SEC61B: variants seen among roughly 807,000 people sequenced by gnomAD.
SEC61B encodes the protein SEC61 translocon subunit beta, also known as protein transport protein Sec61 subunit beta.
SEC61B carries 7 observed loss-of-function variants against 12.6 expected under a neutral mutation model. The observed-to-expected ratio is 0.55, with a 90% CI of 0.32 to 1.04. The LOEUF (loss-of-function observed/expected upper bound fraction) is 1.04. SEC61B is among the 50% of genes least tolerant of loss of function. The pLI is 0.05. For synonymous variants in SEC61B, 54 were observed against 50.1 expected (o/e 1.08, Z -0.33); for missense variants, 107 against 130.1 (o/e 0.82, Z 0.86).
intron 3 of SEC61B, among the ~76,000 whole-genome samples, chr9:99,228,548 G>C (rs896238293): frequency 2.0e-5 from 3 of 152,192 alleles, no homozygotes; most frequent in Admixed American, 6.5e-5. Context: ...GTGCTCATTA[G>C]GTGATGGGAA....
intron 2 of SEC61B, among the ~76,000 whole-genome samples, chr9:99,225,826 G>A (rs1828888092): frequency 6.6e-6 from 1 of 152,176 alleles, no homozygotes; most frequent in Admixed American, 6.5e-5. Flanking sequence ...AGGAAACTTT[G>A]AAGTCAGGAA....
At chr9:99,227,265 C>CAAAAAAAAAAAAAAAA (rs59719935) in intron 2 of SEC61B, among the ~76,000 whole-genome samples, 1 of 10,738 alleles carries the variant, frequency 9.3e-5, no homozygotes, top group African/African-American at 3.3e-4. Flanking sequence ...AACTCCATCT[C>CAAAAAAAAAAAAAAAA]AAAAAAAAAA....
intron 2 of SEC61B, among the ~76,000 whole-genome samples, chr9:99,226,706 G>A (rs1297095750): frequency 2.0e-5 from 3 of 152,194 alleles, no homozygotes; most frequent in African/African-American, 7.2e-5. Flanking sequence ...AAGTACTGCA[G>A]GGAAGGGTAG....
Position 99,222,354 on chromosome 9 carries a change from C to T in SEC61B, c.-10C>T, listed in dbSNP as rs543713392. On this transcript the variant is annotated 5_prime_UTR_variant, in exon 1 of 4. Transcript: ENST00000223641. ...GTCCGCGTCAGCGCCTTGCCACCCT[C>T]ATCTCCAATATGGTATGGCGGCCCT... The T allele has an allele frequency of 7.4e-6, 12 of 1,614,204 alleles. No individual in the cohort carries two copies. The South Asian group carries it at 1.1e-4, about 15-fold the overall frequency.
intron 2 of SEC61B, among the ~76,000 whole-genome samples, chr9:99,227,560 A>G (rs1326762174): frequency 6.6e-6 from 1 of 152,234 alleles, no homozygotes; most frequent in Non-Finnish European, 1.5e-5. Flanking sequence ...TGTTTTGGGC[A>G]TGCAGATGGG....
At chr9:99,229,132 C>A (rs577542755) in intron 3 of SEC61B, among the ~76,000 whole-genome samples, 1 of 152,050 alleles carries the variant, frequency 6.6e-6, no homozygotes, top group African/African-American at 2.4e-5. Flanking sequence ...TTTACAAAGT[C>A]ACAAAAGGAT....
At chr9:99,228,577 C>T (rs979060459) in intron 3 of SEC61B, among the ~76,000 whole-genome samples, 1 of 152,198 alleles carries the variant, frequency 6.6e-6, no homozygotes, top group Non-Finnish European at 1.5e-5. Flanking sequence ...CCAGGGACCC[C>T]TGTCCCCATG....
At chr9:99,224,403 C>T (rs2119016343) in intron 2 of SEC61B, among the ~76,000 whole-genome samples, 1 of 152,152 alleles carries the variant, frequency 6.6e-6, no homozygotes, top group Non-Finnish European at 1.5e-5. Flanking sequence ...GAAAACATGT[C>T]CTGTGGGTGC....
chr9:99,228,040 C>A, intron 3 of SEC61B, 40 bp downstream of exon 3: 1 of 1,458,368 alleles, frequency 6.9e-7, no homozygotes, highest in Non-Finnish European at 9.6e-7. Flanking sequence ...TGTCCAGTGG[C>A]AGCAGAGCAG....
At chr9:99,230,247 C>T in intron 3 of SEC61B, 90 bp from the exon 4 acceptor site, 1 of 735,416 alleles carries the variant, frequency 1.4e-6, no homozygotes, top group Non-Finnish European at 2.3e-6. Context: ...CCCACCTTAC[C>T]TCTACTTTTC....
rs770071795 is a variant in SEC61B, at chr9:99,227,923, G to A, written c.126G>A (p.Arg42=). The change falls in exon 3 of 4, where the codon AGG becomes AGA. Residue 42 remains arginine (R), a synonymous_variant. Transcript: ENST00000223641. The part of the protein sequence containing the change: ...RQRKNASCGT[R]SAGRTTSAGT... ...GGAAAAATGCCAGCTGTGGGACAAG[G>A]AGTGCAGGCCGCACAACCTCGGCAG... 3 of 1,613,946 alleles carry A rather than the reference G, an allele frequency of 1.9e-6. No individual in the cohort carries two copies. The highest frequency in any genetic ancestry group is 2.5e-6 in the Non-Finnish European group (3 of 1,179,996).
chr9:99,224,413 C>T (rs1220610808), intron 2 of SEC61B, among the ~76,000 whole-genome samples: 1 of 151,984 alleles, frequency 6.6e-6, no homozygotes, highest in Non-Finnish European at 1.5e-5. Context: ...CCTGTGGGTG[C>T]GGTTCCTTGG....
chr9:99,225,516 T>G (rs926788483), intron 2 of SEC61B, among the ~76,000 whole-genome samples: 1 of 152,176 alleles, frequency 6.6e-6, no homozygotes, highest in Non-Finnish European at 1.5e-5. Context: ...AGCACCATGT[T>G]AGAACCAAGT....
Position 99,222,542 on chromosome 9 carries a change from A to G in SEC61B, c.4-4A>G. On this transcript the variant is annotated splice_region_variant and splice_polypyrimidine_tract_variant and intron_variant, in intron 1 of 3. Transcript: ENST00000223641. Reference sequence around the variant, plus strand: ...CCCGTCTGTCTGCTTGTCTCCCTCTACAGCCTGGTCCGACCCCCAGTGGCA... The same window carrying G: ...CCCGTCTGTCTGCTTGTCTCCCTCTGCAGCCTGGTCCGACCCCCAGTGGCA... 2 of 1,591,912 alleles carry G rather than the reference A, an allele frequency of 1.3e-6. No homozygotes were observed. Among genetic ancestry groups the G allele is most frequent in the African/African-American group, 1.3e-5 (1 of 74,224 alleles).
Position 99,222,578 on chromosome 9 carries a change from A to T in SEC61B, c.36A>T (p.Gly12=), listed in dbSNP as rs1441917151. ...PGPTPSGTNV[G]SSGRSPSKAV... ...CGACCCCCAGTGGCACTAACGTGGG[A>T]TCCTCAGGGCGCTCTCCCAGCAAAG... The change falls in exon 2 of 4, where the codon GGA becomes GGT. Residue 12 remains glycine, a synonymous_variant. Coordinates refer to ENST00000223641, the MANE Select transcript of SEC61B (RefSeq NM_006808.3). 1.1e-5 allele frequency: 17 copies of T among 1,565,608 alleles called. No homozygotes were observed. Among genetic ancestry groups the T allele is most frequent in the Middle Eastern group, 3.3e-4 (2 of 6,004 alleles).
intron 3 of SEC61B, among the ~76,000 whole-genome samples, chr9:99,229,377 T>C (rs1828934279): frequency 6.6e-6 from 1 of 152,054 alleles, no homozygotes; most frequent in African/African-American, 2.4e-5. Context: ...CAGGCTGGAG[T>C]GCAATGGCAT....
At chr9:99,222,840 A>G (rs1828846743) in intron 2 of SEC61B, 197 bp downstream of exon 2, 2 of 489,576 alleles carry the variant, frequency 4.1e-6, no homozygotes, top group Non-Finnish European at 7.2e-6. Context: ...TTAGGGCACT[A>G]CTCTTAAAAA....
chr9:99,228,043 C>T lies in SEC61B; in HGVS notation c.203+43C>T, dbSNP rs531478005. 95 of 1,461,350 alleles carry T rather than the reference C, an allele frequency of 6.5e-5. 1 individual carries two copies. In the South Asian group the frequency reaches 1.0e-3, roughly 16 times the overall value. The allele number at this position is 1,461,350 out of a possible 1,614,324, so 90.5% of individuals were successfully genotyped here. On this transcript the variant is annotated intron_variant, in intron 3 of 3. Coordinates refer to ENST00000223641, the MANE Select transcript of SEC61B (RefSeq NM_006808.3). Reference sequence around the variant, plus strand: ...TCCTTGTGTTTCTGTCCAGTGGCAGCAGAGCAGCAGTGGCAGCACTCTGTC... The same window carrying T: ...TCCTTGTGTTTCTGTCCAGTGGCAGTAGAGCAGCAGTGGCAGCACTCTGTC...
In SEC61B at chr9:99,230,528, G is replaced by A. The variant is rs1828949156; in HGVS notation, c.*104G>A. On this transcript the variant is annotated 3_prime_UTR_variant, in exon 4 of 4. Coordinates refer to ENST00000223641, the MANE Select transcript of SEC61B (RefSeq NM_006808.3). ...TGTTCATGAGAGAAATTTTCTGTAA[G>A]CTTGCTGTTTTACAGGGGATTTATC... The A allele has an allele frequency of 1.3e-6, 1 of 741,264 alleles. No individual in the cohort carries two copies. The highest frequency in any genetic ancestry group is 2.5e-5 in the Admixed American group (1 of 39,554). The allele number at this position is 741,264 out of a possible 1,614,324, so 45.9% of individuals were successfully genotyped here. A position where few individuals can be genotyped will look rare whatever the true frequency, so the allele number is the denominator to read the frequency against.
Sources: allele counts gnomAD v4.1 joint callset (sites outside exome capture counted in the v4.1 genomes callset), GRCh38; gene constraint gnomAD v4.1.1; transcripts MANE v1.5; gene names NCBI Gene and HGNC (gene_info 2026-07-23, HGNC 2026-07-21).